The following IDO2 variants were observed in gnomAD, a reference collection of about 807,000 sequenced individuals.
IDO2 encodes indoleamine 2,3-dioxygenase-like 1 protein.
IDO2 carries 46 observed loss-of-function variants against 45.1 expected under a neutral mutation model. The observed-to-expected ratio is 1.02, with a 90% CI of 0.80 to 1.30. The LOEUF is 1.30. Ranked by LOEUF, IDO2 falls within the 50% of genes most tolerant of loss-of-function variation. IDO2 has a pLI of 0.00. For missense variants in IDO2, 544 were observed against 491.8 expected, an observed-to-expected ratio of 1.11 and a Z score of -1.00; for synonymous variants, 218 against 184.9, an observed-to-expected ratio of 1.18 and a Z score of -1.45.
chr8:39,957,338 G>A (rs1458876027), intron 2 of IDO2, among the ~76,000 whole-genome samples: 1 of 152,078 alleles, frequency 6.6e-6, no homozygotes. Flanking sequence ...CAGGCTAGAG[G>A]TGGTAGTTCA....
At chr8:39,985,137 GC>G (rs1213943519) in intron 5 of IDO2, 1 of 315,270 alleles carries the variant, frequency 3.2e-6, no homozygotes, top group Non-Finnish European at 6.0e-6. Flanking sequence ...TACCACGTTG[GC>G]CAGTCTGGTA....
intron 8 of IDO2, among the ~76,000 whole-genome samples, chr8:39,992,473 T>A (rs2543071): frequency 0.62 from 94,016 of 151,938 alleles, 29,178 homozygotes; most frequent in Middle Eastern, 0.7. Flanking sequence ...TGGAGCAGAG[T>A]CAAGCCATTG....
intron 1 of IDO2, among the ~76,000 whole-genome samples, chr8:39,940,895 A>T (rs971150108): frequency 4.0e-5 from 6 of 150,668 alleles, no homozygotes; most frequent in Non-Finnish European, 8.8e-5. Flanking sequence ...TCTTAAGTAT[A>T]TACCATTCTT....
chr8:39,989,628 T>C, intron 7 of IDO2, 93 bp from the exon 8 acceptor site: 1 of 860,798 alleles, frequency 1.2e-6, no homozygotes, highest in Non-Finnish European at 1.8e-6. Context: ...AACTGTCCGG[T>C]CCTCCCCTGG....
At chr8:39,983,477 G>A (rs1287712894) in intron 5 of IDO2, among the ~76,000 whole-genome samples, 1 of 152,176 alleles carries the variant, frequency 6.6e-6, no homozygotes, top group Non-Finnish European at 1.5e-5. Flanking sequence ...ATATGAGGAA[G>A]AACTTCCTCA....
chr8:40,012,668 A>T (rs1166219106), intron 9 of IDO2, among the ~76,000 whole-genome samples: 1 of 152,148 alleles, frequency 6.6e-6, no homozygotes, highest in Non-Finnish European at 1.5e-5. Flanking sequence ...AAACAGATGG[A>T]GGCATAAAGA....
In IDO2 at chr8:40,010,037, T is replaced by TG. The variant is rs1382441390; in HGVS notation, c.720-3525dup. On this transcript the variant is annotated intron_variant, in intron 9 of 10. Coordinates refer to ENST00000502986, the Ensembl canonical transcript of IDO2. ...CTCTGGAGCTTACATTTCAATGCGG[T>TG]GGGTGGGGGGATGGACAATTAATAC... Among the ~76,000 whole-genome samples the TG allele has an allele frequency of 1.8e-3, 131 of 70,986 alleles. 1 individual carries two copies. The highest frequency in any genetic ancestry group is 7.9e-3 in the African/African-American group (126 of 15,888). The allele number at this position is 70,986 out of a possible 152,430, so 46.6% of individuals were successfully genotyped here.
At chr8:40,016,353 A>T (rs1328710208) in exon 11 of IDO2, 1 of 392,788 alleles carries the variant, frequency 2.5e-6, no homozygotes, top group Non-Finnish European at 4.5e-6. Context: ...TAGTAAATCA[A>T]TGTGTTTAGT....
At chr8:39,943,664 G>C (rs1341172272) in intron 1 of IDO2, among the ~76,000 whole-genome samples, 2 of 150,432 alleles carry the variant, frequency 1.3e-5, no homozygotes, top group Middle Eastern at 3.2e-3. Context: ...GTGAACCCCG[G>C]GGGGCGGAGC....
exon 10 of IDO2, chr8:40,013,604 T>C (rs754657813): frequency 9.3e-6 from 15 of 1,613,728 alleles, no homozygotes; most frequent in Admixed American, 1.7e-5. Context: ...GGCTGATGTA[T>C]GAAGGAGTTT....
intron 2 of IDO2, among the ~76,000 whole-genome samples, chr8:39,952,658 G>A (rs1188595731): frequency 6.6e-6 from 1 of 152,040 alleles, no homozygotes; most frequent in Non-Finnish European, 1.5e-5. Context: ...TTGGAGGGAG[G>A]GCTAATTTTT....
intron 1 of IDO2, among the ~76,000 whole-genome samples, chr8:39,937,279 G>T (rs1807567358): frequency 6.6e-6 from 1 of 152,114 alleles, no homozygotes; most frequent in South Asian, 2.1e-4. Context: ...TCACAGAAAG[G>T]CAAAATAACC....
At chr8:39,945,318 T>C (rs1248167537) in intron 1 of IDO2, among the ~76,000 whole-genome samples, 1 of 152,246 alleles carries the variant, frequency 6.6e-6, no homozygotes, top group Non-Finnish European at 1.5e-5. Flanking sequence ...AATGTGTACA[T>C]GTGCAATTTG....
intron 4 of IDO2, among the ~76,000 whole-genome samples, chr8:39,980,928 T>G (rs1808334095): frequency 6.6e-6 from 1 of 151,994 alleles, no homozygotes; most frequent in Non-Finnish European, 1.5e-5. Context: ...TTTTTTTGTA[T>G]TTTTAGTAGA....
intron 9 of IDO2, 135 bp from the exon 10 acceptor site, chr8:40,013,430 A>G (rs1802337474): frequency 1.2e-6 from 1 of 811,236 alleles, no homozygotes; most frequent in East Asian, 2.5e-5. Flanking sequence ...CCCTACAAAG[A>G]TACCCCCAAT....
intron 8 of IDO2, among the ~76,000 whole-genome samples, chr8:39,993,929 C>A (rs1198386046): frequency 6.6e-6 from 1 of 152,030 alleles, no homozygotes; most frequent in Non-Finnish European, 1.5e-5. Flanking sequence ...ATCACTTGAA[C>A]CTGGGAGATG....
At chr8:39,960,215 C>T (rs954467711) in intron 2 of IDO2, among the ~76,000 whole-genome samples, 6 of 152,140 alleles carry the variant, frequency 3.9e-5, no homozygotes, top group Non-Finnish European at 7.3e-5. Flanking sequence ...GGTCTTTTCT[C>T]CTCTGTAATT....
chr8:39,990,802 C>T (rs1227612844), intron 8 of IDO2, among the ~76,000 whole-genome samples: 1 of 152,200 alleles, frequency 6.6e-6, no homozygotes, highest in Non-Finnish European at 1.5e-5. Flanking sequence ...TTAACACAGG[C>T]ATGGTCAGTT....
chr8:39,941,810 C>T (rs1807647139), intron 1 of IDO2, among the ~76,000 whole-genome samples: 1 of 152,106 alleles, frequency 6.6e-6, no homozygotes, highest in South Asian at 2.1e-4. Context: ...AATGGGTGGA[C>T]ATGGTGGCTC....
Sources: allele counts gnomAD v4.1 joint callset (sites outside exome capture counted in the v4.1 genomes callset), GRCh38; gene constraint gnomAD v4.1.1; transcripts MANE v1.5; gene names NCBI Gene and HGNC (gene_info 2026-07-23, HGNC 2026-07-21).